The following TP63 variants were observed in gnomAD, a reference collection of about 807,000 sequenced individuals.
TP63 encodes tumor protein 63.
TP63 carries 17 observed loss-of-function variants against 82.8 expected under a neutral mutation model. The ratio of observed to expected loss-of-function variants is 0.21; its 90% CI spans 0.14 to 0.31. The LOEUF is 0.31. Ranked by LOEUF, TP63 falls within the 10% of genes least tolerant of loss-of-function variation. The pLI is 1.00. For missense variants in TP63, 648 were observed against 895.3 expected (o/e 0.72, Z 3.52); for synonymous variants, 330 against 321.7 (o/e 1.03, Z -0.28).
intron 4 of TP63, among the ~76,000 whole-genome samples, chr3:189,824,331 C>A (rs1313064172): frequency 1.3e-5 from 2 of 151,996 alleles, no homozygotes; most frequent in Non-Finnish European, 2.9e-5. Context: ...ATTCCGGATT[C>A]GAGCCATTCT....
At chr3:189,658,713 A>G (rs775550105) in intron 1 of TP63, among the ~76,000 whole-genome samples, 33 of 152,080 alleles carry the variant, frequency 2.2e-4, no homozygotes, top group Admixed American at 1.7e-3. Context: ...AATTTGAAAA[A>G]CTGTTGTAAC....
chr3:189,614,777 G>C, the TP63 span, among the ~76,000 whole-genome samples: 1 of 152,090 alleles, frequency 6.6e-6, no homozygotes, highest in Non-Finnish European at 1.5e-5. Context: ...GTGGCATGGG[G>C]GTAATCTCCT....
At chr3:189,614,482 A>G in the TP63 span, among the ~76,000 whole-genome samples, 1 of 152,188 alleles carries the variant, frequency 6.6e-6, no homozygotes, top group South Asian at 2.1e-4. Flanking sequence ...GGACTAATAT[A>G]GCTGCCCTGT....
intron 3 of TP63, among the ~76,000 whole-genome samples, chr3:189,782,259 A>G (rs991706752): frequency 6.6e-6 from 1 of 152,202 alleles, no homozygotes; most frequent in African/African-American, 2.4e-5. Flanking sequence ...GTGAATACTT[A>G]TTCATTATCC....
intron 11 of TP63, 132 bp from the exon 12 acceptor site, chr3:189,889,208 T>A: frequency 2.3e-6 from 3 of 1,311,796 alleles, no homozygotes; most frequent in Non-Finnish European, 3.3e-6. Flanking sequence ...AGGGGTGTAG[T>A]GAGAGCGAAG....
chr3:189,761,930 C>T (rs547499368), intron 3 of TP63, among the ~76,000 whole-genome samples: 1 of 152,230 alleles, frequency 6.6e-6, no homozygotes, highest in African/African-American at 2.4e-5. Flanking sequence ...ATCAGATCTC[C>T]TGAGACTCAT....
intron 1 of TP63, among the ~76,000 whole-genome samples, chr3:189,691,266 G>A (rs1378970019): frequency 1.4e-5 from 2 of 147,794 alleles, no homozygotes; most frequent in Admixed American, 1.4e-4. Context: ...TTCAACCCGG[G>A]AGGTGGAGGT....
intron 9 of TP63, among the ~76,000 whole-genome samples, chr3:189,872,286 C>T (rs757849335): frequency 6.6e-6 from 1 of 151,878 alleles, no homozygotes; most frequent in South Asian, 2.1e-4. Flanking sequence ...TATATCACTT[C>T]GTTTGTTGTG....
chr3:189,690,807 A>G (rs1323063557), intron 1 of TP63, among the ~76,000 whole-genome samples: 1 of 152,170 alleles, frequency 6.6e-6, no homozygotes, highest in African/African-American at 2.4e-5. Flanking sequence ...TTAGAGGCAC[A>G]TTACCTTCTT....
At chr3:189,811,633 T>C (rs1727580741) in intron 4 of TP63, among the ~76,000 whole-genome samples, 1 of 152,182 alleles carries the variant, frequency 6.6e-6, no homozygotes, top group Admixed American at 6.5e-5. Context: ...TACACAGACT[T>C]CCCATTTTAA....
intron 10 of TP63, among the ~76,000 whole-genome samples, chr3:189,878,653 C>T (rs140648666): frequency 2.9e-3 from 434 of 151,578 alleles, no homozygotes; most frequent in Middle Eastern, 0.01. Context: ...GGTCTCAAAC[C>T]CCTGACGTTG....
intron 4 of TP63, among the ~76,000 whole-genome samples, chr3:189,855,885 G>A (rs1048858481): frequency 1.3e-5 from 2 of 151,986 alleles, no homozygotes; most frequent in Admixed American, 1.3e-4. Context: ...AAGTTGGGGA[G>A]ACGTTGACAA....
intron 3 of TP63, among the ~76,000 whole-genome samples, chr3:189,774,545 T>C (rs1432407733): frequency 6.6e-6 from 1 of 152,206 alleles, no homozygotes; most frequent in Non-Finnish European, 1.5e-5. Flanking sequence ...TAAAGATATA[T>C]GCATCGCTGT....
chr3:189,609,853 T>A, the TP63 span, among the ~76,000 whole-genome samples: 1 of 152,232 alleles, frequency 6.6e-6, no homozygotes, highest in African/African-American at 2.4e-5. Flanking sequence ...TGCATGCATA[T>A]GTCTTTATAG....
chr3:189,830,672 A>G (rs17447411), intron 4 of TP63, among the ~76,000 whole-genome samples: 33,889 of 152,170 alleles, frequency 0.22, 4,324 homozygotes, highest in Admixed American at 0.36. Flanking sequence ...TGGATAAGGT[A>G]AGGTCTCCAT....
chr3:189,880,360 T>G, intron 10 of TP63: 1 of 1,242,650 alleles, frequency 8.0e-7, no homozygotes, highest in Non-Finnish European at 1.0e-6. Flanking sequence ...TTGAAGGGAC[T>G]CAAACCTTTA....
chr3:189,840,631 T>C (rs1409804276), intron 4 of TP63, among the ~76,000 whole-genome samples: 3 of 151,514 alleles, frequency 2.0e-5, no homozygotes, highest in East Asian at 3.9e-4. Flanking sequence ...GAGGCTGAGG[T>C]GGGTGGATCA....
At chr3:189,713,755 ATTATAATTGATGCTTTTATAAATT>A (rs1459022181) in intron 1 of TP63, among the ~76,000 whole-genome samples, 2 of 152,160 alleles carry the variant, frequency 1.3e-5, no homozygotes, top group Non-Finnish European at 1.5e-5. Flanking sequence ...CCTCTTCATA[ATTATAATTGATGCTTTTATAAATT>A]TTATAATTGA....
chr3:189,853,444 G>T (rs1221650655), intron 4 of TP63, among the ~76,000 whole-genome samples: 8 of 152,166 alleles, frequency 5.3e-5, no homozygotes, highest in Admixed American at 5.2e-4. Flanking sequence ...TCCATGGCAA[G>T]CATACCCAGC....
Sources: allele counts gnomAD v4.1 joint callset (sites outside exome capture counted in the v4.1 genomes callset), GRCh38; gene constraint gnomAD v4.1.1; transcripts MANE v1.5; gene names NCBI Gene and HGNC (gene_info 2026-07-23, HGNC 2026-07-21).